GRB14: variants seen among roughly 807,000 people sequenced by gnomAD.
The protein encoded by GRB14 is growth factor receptor-bound protein 14.
GRB14 carries 38 observed loss-of-function variants against 69.1 expected under a neutral mutation model. The ratio of observed to expected loss-of-function variants is 0.55; its 90% confidence interval spans 0.42 to 0.72. The LOEUF (loss-of-function observed/expected upper bound fraction) is 0.72. Ranked by LOEUF, GRB14 falls within the 30% of genes least tolerant of loss-of-function variation. GRB14 has a pLI of 0.00. For synonymous variants in GRB14, 247 were observed against 241.3 expected, an observed-to-expected ratio of 1.02 and a Z score of -0.22; for missense variants, 666 against 666.1, an observed-to-expected ratio of 1.00 and a Z score of 0.00.
In GRB14 at chr2:164,508,541, C is replaced by A. The variant is rs370149376; in HGVS notation, c.937G>T (p.Ala313Ser). The change falls in exon 8 of 14, where the codon GCG (alanine) becomes TCG (serine). Residue 313 changes from alanine (A) to serine (S), a missense_variant. Ala to Ser is a moderately conservative substitution (Grantham distance 99, BLOSUM62 1). Coordinates refer to ENST00000263915, the MANE Select transcript of GRB14 (RefSeq NM_004490.3). ...NYGFCFKPNK[A>S]GGPRDLKMLC... ...ATTTTCAGGTCTCGGGGCCCTCCCG[C>A]TTTGTTAGGCTAGAAGGCCACAGCA... is the stretch of plus-strand genomic sequence containing the variant. 4.3e-6 allele frequency: 7 copies of A among 1,613,820 alleles called. No homozygotes were observed. The Admixed American group carries it at 6.7e-5, about 15-fold the overall frequency.
chr2:164,522,240 A>T (rs1375252268), intron 5 of GRB14, 123 bp from the exon 6 acceptor site: 1 of 623,454 alleles, frequency 1.6e-6, no homozygotes. Flanking sequence ...AACATATAAC[A>T]TTATGGTAAT....
Position 164,565,202 on chromosome 2 carries a change from C to T in GRB14, c.325-17386G>A, listed in dbSNP as rs1214058658. ...ATACTTGAGCCTTATGTTAACTCTC[C>T]GGGACCTTAAAATGTTTTCTTTATG... On this transcript the variant is annotated intron_variant, in intron 2 of 13. Transcript: ENST00000263915. 4.6e-5 allele frequency among the ~76,000 whole-genome samples: 7 copies of T among 151,890 alleles called. No homozygotes were observed. The South Asian group carries it at 6.2e-4, about 14-fold the overall frequency.
chr2:164,570,690 T>G (rs1689104856), intron 2 of GRB14, among the ~76,000 whole-genome samples: 1 of 152,210 alleles, frequency 6.6e-6, no homozygotes, highest in Non-Finnish European at 1.5e-5. Context: ...TCTCAAAGTT[T>G]ACTCTGAGGT....
intron 2 of GRB14, among the ~76,000 whole-genome samples, chr2:164,583,851 G>A (rs1689472433): frequency 6.6e-6 from 1 of 152,088 alleles, no homozygotes; most frequent in Non-Finnish European, 1.5e-5. Flanking sequence ...GATGAAATTG[G>A]ACTTTTCTTA....
chr2:164,586,633 G>A (rs1209206698), intron 2 of GRB14, among the ~76,000 whole-genome samples: 2 of 152,134 alleles, frequency 1.3e-5, no homozygotes, highest in African/African-American at 2.4e-5. Context: ...TTTCAGAAAT[G>A]AGCCAGTGCT....
intron 2 of GRB14, among the ~76,000 whole-genome samples, chr2:164,561,515 C>G (rs886592986): frequency 9.2e-5 from 14 of 152,162 alleles, no homozygotes; most frequent in African/African-American, 3.1e-4. Context: ...GGCAGATTGG[C>G]AGAAAAGGTG....
Position 164,508,829 on chromosome 2 carries a change from G to A in GRB14, c.840C>T (p.Phe280=). ...AAATATCACTATTGCCAAATTCGCTGAAAAACTGCAAATGCCGCGGTTCCT... is the reference window on the plus strand; with the variant it reads ...AAATATCACTATTGCCAAATTCGCTAAAAAACTGCAAATGCCGCGGTTCCT... ...TSKEPRHLQF[F]SEFGNSDIYV... is the part of the protein sequence containing the mutation. Residue 280 remains phenylalanine (F), a synonymous_variant, in exon 7 of 14, where the codon TTC becomes TTT. Coordinates refer to ENST00000263915, the MANE Select transcript of GRB14 (RefSeq NM_004490.3). 6.4e-7 allele frequency: 1 copy of A among 1,573,548 alleles called. No individual in the cohort carries two copies. The highest frequency in any genetic ancestry group is 8.6e-7 in the Non-Finnish European group (1 of 1,166,248).
intron 2 of GRB14, among the ~76,000 whole-genome samples, chr2:164,563,450 A>G (rs563607661): frequency 1.3e-5 from 2 of 152,280 alleles, no homozygotes; most frequent in Non-Finnish European, 1.5e-5. Flanking sequence ...GAGTTGGCCA[A>G]CAAGATGTAA....
chr2:164,587,921 A>T (rs1689575134), intron 2 of GRB14, among the ~76,000 whole-genome samples: 1 of 152,188 alleles, frequency 6.6e-6, no homozygotes, highest in South Asian at 2.1e-4. Context: ...CACTGGAAGG[A>T]TCTTTTCAAA....
intron 2 of GRB14, among the ~76,000 whole-genome samples, chr2:164,579,528 C>G (rs1449418979): frequency 2.0e-5 from 3 of 150,922 alleles, no homozygotes; most frequent in Non-Finnish European, 3.0e-5. Flanking sequence ...CACACACACA[C>G]ACACACACAC....
intron 2 of GRB14, among the ~76,000 whole-genome samples, chr2:164,597,262 G>A (rs993606971): frequency 3.3e-5 from 5 of 152,104 alleles, no homozygotes; most frequent in Admixed American, 2.0e-4. Flanking sequence ...CAATGTGCAA[G>A]GATTTACAGG....
chr2:164,504,447 T>C (rs1373875118), intron 8 of GRB14, among the ~76,000 whole-genome samples: 1 of 152,168 alleles, frequency 6.6e-6, no homozygotes. Flanking sequence ...GGAGCCCTGC[T>C]GACAAGAAGT....
intron 2 of GRB14, among the ~76,000 whole-genome samples, chr2:164,552,676 T>A (rs1194944958): frequency 6.6e-6 from 1 of 152,188 alleles, no homozygotes; most frequent in African/African-American, 2.4e-5. Context: ...TTCACTTCAT[T>A]CAAATTTTGG....
chr2:164,499,432 C>A (rs2105257663), intron 9 of GRB14, among the ~76,000 whole-genome samples: 1 of 152,138 alleles, frequency 6.6e-6, no homozygotes, highest in African/African-American at 2.4e-5. Context: ...AATAGTTTAC[C>A]ATTGGTGGAC....
chr2:164,603,213 T>C lies in GRB14; in HGVS notation c.324+16474A>G, dbSNP rs981221679. Among the ~76,000 whole-genome samples, 36 of 151,502 alleles carry C rather than the reference T, an allele frequency of 2.4e-4. 1 individual carries two copies. Among genetic ancestry groups the C allele is most frequent in the African/African-American group, 8.5e-4 (35 of 41,194 alleles). ...CCTATGAAAAGGGGAACTTAATACA[T>C]GATGAAAAAATGTTAAAAAGCTTTG... On this transcript the variant is annotated intron_variant, in intron 2 of 13. Transcript: ENST00000263915.
intron 8 of GRB14, among the ~76,000 whole-genome samples, chr2:164,505,020 G>A (rs766291336): frequency 2.0e-5 from 3 of 152,154 alleles, no homozygotes; most frequent in Non-Finnish European, 2.9e-5. Flanking sequence ...CAAGGTAACT[G>A]GATTCTCCTC....
At chr2:164,573,813 A>T in intron 2 of GRB14, 1 of 1,612,916 alleles carries the variant, frequency 6.2e-7, no homozygotes, top group Non-Finnish European at 8.5e-7. Context: ...TTGGCAGATA[A>T]ATTGAACATG....
intron 2 of GRB14, among the ~76,000 whole-genome samples, chr2:164,584,570 T>C (rs1342794219): frequency 2.0e-5 from 3 of 151,750 alleles, no homozygotes; most frequent in Non-Finnish European, 4.4e-5. Flanking sequence ...TGGCTAAGAA[T>C]AAGTCCCTAC....
intron 2 of GRB14, among the ~76,000 whole-genome samples, chr2:164,590,550 G>T (rs1005920606): frequency 2.6e-5 from 4 of 152,094 alleles, no homozygotes; most frequent in Admixed American, 2.6e-4. Context: ...TCAATAGTTT[G>T]GGGGAAGGAA....
Sources: allele counts gnomAD v4.1 joint callset (sites outside exome capture counted in the v4.1 genomes callset), GRCh38; gene constraint gnomAD v4.1.1; transcripts MANE v1.5; gene names NCBI Gene and HGNC (gene_info 2026-07-23, HGNC 2026-07-21).